Variants in CADM1 observed in about 807,000 individuals in gnomAD.
The protein encoded by CADM1 is TSLC-1.
CADM1 carries 15 observed loss-of-function variants against 53.1 expected under a neutral mutation model. The ratio of observed to expected loss-of-function variants is 0.28; its 90% confidence interval spans 0.19 to 0.44. The LOEUF is 0.44. CADM1 is among the 20% of genes least tolerant of loss of function. The pLI is 1.00. For missense variants in CADM1, 434 were observed against 611.3 expected (o/e 0.71, Z 3.06); for synonymous variants, 281 against 243.0 (o/e 1.16, Z -1.45).
intron 1 of CADM1, among the ~76,000 whole-genome samples, chr11:115,340,654 ATATATT>A (rs1283033770): frequency 1.3e-4 from 7 of 52,626 alleles, no homozygotes; most frequent in Admixed American, 2.8e-4. Flanking sequence ...ATATATATAT[ATATATT>A]TTTTTTTTTT....
chr11:115,205,623 C>T (rs1302408187), intron 8 of CADM1, among the ~76,000 whole-genome samples: 1 of 152,060 alleles, frequency 6.6e-6, no homozygotes, highest in Non-Finnish European at 1.5e-5. Context: ...TTTATGCTTC[C>T]ACATGACAGC....
intron 1 of CADM1, among the ~76,000 whole-genome samples, chr11:115,305,757 C>T (rs888776757): frequency 3.3e-5 from 5 of 151,646 alleles, no homozygotes; most frequent in African/African-American, 1.2e-4. Flanking sequence ...AAAGGTGAAG[C>T]ACCAAAATAC....
At chr11:115,256,842 T>C (rs1942804928) in intron 1 of CADM1, 1 of 456,012 alleles carries the variant, frequency 2.2e-6, no homozygotes, top group African/African-American at 2.0e-5. Context: ...CACTGGTATG[T>C]CCAGATGCCT....
At chr11:115,225,950 C>G (rs777071162) in intron 5 of CADM1, among the ~76,000 whole-genome samples, 5 of 151,630 alleles carry the variant, frequency 3.3e-5, no homozygotes, top group Non-Finnish European at 5.9e-5. Flanking sequence ...TAAAATCAGC[C>G]AGGCTTAAAC....
intron 1 of CADM1, among the ~76,000 whole-genome samples, chr11:115,441,878 CA>C (rs956605248): frequency 1.2e-4 from 18 of 151,314 alleles, no homozygotes; most frequent in African/African-American, 4.1e-4. Context: ...CAAAAACAAA[CA>C]AAAAAAACCC....
At chr11:115,229,911 G>A (rs1941755765) in intron 4 of CADM1, among the ~76,000 whole-genome samples, 1 of 152,182 alleles carries the variant, frequency 6.6e-6, no homozygotes, top group Admixed American at 6.5e-5. Context: ...GTAAGATACA[G>A]GGCTTGGGGC....
chr11:115,290,265 C>A (rs920555719), intron 1 of CADM1, among the ~76,000 whole-genome samples: 1 of 152,174 alleles, frequency 6.6e-6, no homozygotes. Context: ...TGTTCATCTA[C>A]GTGGTCTATA....
intron 1 of CADM1, among the ~76,000 whole-genome samples, chr11:115,345,153 C>T (rs541377559): frequency 9.9e-5 from 15 of 152,242 alleles, no homozygotes; most frequent in African/African-American, 3.4e-4. Flanking sequence ...CTCTTCTGCA[C>T]GACCACAAAA....
At chr11:115,231,202 G>T in intron 4 of CADM1, 151 bp downstream of exon 4, 1 of 869,032 alleles carries the variant, frequency 1.2e-6, no homozygotes, top group Non-Finnish European at 1.9e-6. Context: ...TTTATGCTTT[G>T]GCCTCAGACA....
At chr11:115,280,520 A>C (rs1476478243) in intron 1 of CADM1, among the ~76,000 whole-genome samples, 2 of 152,224 alleles carry the variant, frequency 1.3e-5, no homozygotes, top group Non-Finnish European at 2.9e-5. Context: ...AGAACAGGGG[A>C]TTAATTGTTA....
At chr11:115,338,877 ATTTT>A (rs56300408) in intron 1 of CADM1, among the ~76,000 whole-genome samples, 5 of 127,754 alleles carry the variant, frequency 3.9e-5, no homozygotes, top group Middle Eastern at 4.3e-3. Flanking sequence ...TATTTTTTTT[ATTTT>A]TTTTTTTTTA....
At chr11:115,330,660 C>T (rs574718747) in intron 1 of CADM1, among the ~76,000 whole-genome samples, 1 of 152,248 alleles carries the variant, frequency 6.6e-6, no homozygotes, top group East Asian at 1.9e-4. Context: ...CTTCCTTCCC[C>T]ACCCTCATGG....
intron 1 of CADM1, among the ~76,000 whole-genome samples, chr11:115,434,075 ACT>A (rs1948122365): frequency 6.6e-6 from 1 of 152,122 alleles, no homozygotes; most frequent in African/African-American, 2.4e-5. Flanking sequence ...GAAACATGAC[ACT>A]CTGGCCGTCA....
At position 115,248,953 on chromosome 11, in the gene CADM1, T is replaced by C. The variant is rs565902963; in HGVS notation, c.125-8533A>G. The stretch of plus-strand genomic sequence containing the variant: ...TAAAAAATATTAATTAAACAATAAC[T>C]GCAGCCATCCAACAAACGTGGACTT... On this transcript the variant is annotated intron_variant, in intron 1 of 11. Coordinates refer to ENST00000331581, the MANE Select transcript of CADM1 (RefSeq NM_001301043.2). Among the ~76,000 whole-genome samples the C allele has an allele frequency of 3.3e-5, 5 of 152,174 alleles. No individual in the cohort carries two copies. The East Asian group carries it at 9.6e-4, about 29-fold the overall frequency.
chr11:115,256,715 G>A (rs975841998), intron 1 of CADM1: 20 of 424,648 alleles, frequency 4.7e-5, no homozygotes, highest in Non-Finnish European at 8.8e-5. Context: ...AATGGCCATT[G>A]CCATGTTCTA....
Position 115,416,736 on chromosome 11 carries a change from G to C in CADM1, c.124+87535C>G, listed in dbSNP as rs2427675. On this transcript the variant is annotated intron_variant, in intron 1 of 11. Coordinates refer to ENST00000331581, the MANE Select transcript of CADM1 (RefSeq NM_001301043.2). ...ACACACACACACACACACACACACAGATAGATATTGTACTCACAGTGTAAA... is the reference window on the plus strand; with the variant it reads ...ACACACACACACACACACACACACACATAGATATTGTACTCACAGTGTAAA... Among the ~76,000 whole-genome samples, 861 of 116,200 alleles carry C rather than the reference G, an allele frequency of 7.4e-3. 4 individuals are homozygous for C. The highest frequency in any genetic ancestry group is 0.015 in the African/African-American group (463 of 31,628). 76.2% of individuals were successfully genotyped at this position (116,200 alleles called of 152,430 possible). A position where few individuals can be genotyped will look rare whatever the true frequency, so the allele number is the denominator to read the frequency against.
chr11:115,316,618 C>T (rs763172743), intron 1 of CADM1, among the ~76,000 whole-genome samples: 9 of 152,084 alleles, frequency 5.9e-5, no homozygotes, highest in Non-Finnish European at 8.8e-5. Flanking sequence ...ATAGTGTTAC[C>T]GTGAATAGTC....
At chr11:115,219,732 C>T (rs1017964903) in intron 5 of CADM1, among the ~76,000 whole-genome samples, 1 of 152,140 alleles carries the variant, frequency 6.6e-6, no homozygotes, top group East Asian at 1.9e-4. Context: ...CACCCCCTTT[C>T]AGAGACAGAG....
chr11:115,282,605 C>T (rs970677270), intron 1 of CADM1, among the ~76,000 whole-genome samples: 17 of 152,186 alleles, frequency 1.1e-4, no homozygotes, highest in African/African-American at 3.4e-4. Flanking sequence ...TGGCAATTTG[C>T]TCTCTGGGGA....
Sources: gnomAD v4.1 joint callset for allele counts (sites outside exome capture counted in the v4.1 genomes callset) on GRCh38, gnomAD v4.1.1 for gene constraint, MANE v1.5 for transcripts, NCBI Gene and HGNC (gene_info 2026-07-23, HGNC 2026-07-21) for gene names.